The following FYB1 variants were observed in gnomAD, a reference collection of about 807,000 sequenced individuals.
The protein encoded by FYB1 is FYN-binding protein 1.
Under a neutral mutation model 94.1 loss-of-function variants are expected in FYB1, and 41 were observed. The observed-to-expected ratio is 0.44, with a 90% CI of 0.34 to 0.57. The LOEUF (loss-of-function observed/expected upper bound fraction) is 0.57. FYB1 is among the 20% of genes least tolerant of loss of function. The pLI, the probability that FYB1 is intolerant of heterozygous loss-of-function variation, is 0.02. For synonymous variants in FYB1, 367 were observed against 353.2 expected (o/e 1.04, Z -0.44); for missense variants, 1,050 against 976.8 (o/e 1.07, Z -1.00).
At chr5:39,157,030 G>A (rs1339763219) in intron 2 of FYB1, among the ~76,000 whole-genome samples, 2 of 152,078 alleles carry the variant, frequency 1.3e-5, no homozygotes, top group Non-Finnish European at 2.9e-5. Context: ...TTCTACATAT[G>A]TAATCTTATT....
intron 3 of FYB1, among the ~76,000 whole-genome samples, chr5:39,147,265 ACTTTT>A (rs940774177): frequency 2.0e-5 from 3 of 151,692 alleles, no homozygotes; most frequent in East Asian, 1.9e-4. Flanking sequence ...TGACCTCTAT[ACTTTT>A]CTTTTCTTTT....
At chr5:39,126,366 C>T (rs374877960) in intron 11 of FYB1, among the ~76,000 whole-genome samples, 96 of 152,084 alleles carry the variant, frequency 6.3e-4, no homozygotes, top group African/African-American at 2.2e-3. Flanking sequence ...TGAGAATTCT[C>T]CCACTTCTTA....
At chr5:39,187,852 A>G (rs1440619358) in intron 2 of FYB1, among the ~76,000 whole-genome samples, 1 of 149,472 alleles carries the variant, frequency 6.7e-6, no homozygotes, top group African/African-American at 2.5e-5. Flanking sequence ...TTTTTTTTAT[A>G]TTTAATGAAT....
chr5:39,110,861 T>A (rs956399523), intron 16 of FYB1: 1 of 307,184 alleles, frequency 3.3e-6, no homozygotes. Flanking sequence ...CCCTTTCAGA[T>A]CCCAGCCAGC....
At chr5:39,136,979 CCT>C (rs941722276) in intron 7 of FYB1, among the ~76,000 whole-genome samples, 2 of 152,040 alleles carry the variant, frequency 1.3e-5, no homozygotes, top group Admixed American at 6.6e-5. Flanking sequence ...GAAAATAGCC[CCT>C]GAGTGTAGCG....
At chr5:39,158,058 G>A (rs979332161) in intron 2 of FYB1, among the ~76,000 whole-genome samples, 4 of 152,176 alleles carry the variant, frequency 2.6e-5, no homozygotes, top group Admixed American at 1.3e-4. Context: ...AGGAAAATTG[G>A]TTGTATTTAT....
rs74849291 is a variant in FYB1, at chr5:39,190,792, G to GTGTGTGTGT, written c.1135+11033_1135+11034insACACACACA. On this transcript the variant is annotated intron_variant, in intron 2 of 18. Coordinates refer to ENST00000512982, the MANE Select transcript of FYB1 (RefSeq NM_001465.6). ...TTTGTGTGTGTGTGTGTGTGTGTGT[G>GTGTGTGTGT]AGAGAGAGATGTTGGCTTTGTTACA... Among the ~76,000 whole-genome samples the GTGTGTGTGT allele has an allele frequency of 1.3e-4, 20 of 150,630 alleles. No homozygotes were observed. The East Asian group carries it at 2.5e-3, about 19-fold the overall frequency.
At chr5:39,247,608 A>G (rs940618493) in intron 1 of FYB1, among the ~76,000 whole-genome samples, 1 of 152,186 alleles carries the variant, frequency 6.6e-6, no homozygotes, top group Non-Finnish European at 1.5e-5. Context: ...TGCAACTTCT[A>G]GAAAATATTA....
chr5:39,137,899 G>T, intron 6 of FYB1, 179 bp from the exon 7 acceptor site: 1 of 707,194 alleles, frequency 1.4e-6, no homozygotes, highest in Non-Finnish European at 2.3e-6. Flanking sequence ...CCAGTAGGAG[G>T]CACACTGCTG....
At chr5:39,113,532 GCTT>G (rs1739259360) in intron 16 of FYB1, among the ~76,000 whole-genome samples, 1 of 152,112 alleles carries the variant, frequency 6.6e-6, no homozygotes, top group African/African-American at 2.4e-5. Flanking sequence ...CCAAATGTTT[GCTT>G]GCTACAGTGC....
chr5:39,236,335 G>A (rs1394744772), intron 1 of FYB1, among the ~76,000 whole-genome samples: 1 of 152,058 alleles, frequency 6.6e-6, no homozygotes, highest in Non-Finnish European at 1.5e-5. Context: ...AAGGCATTGA[G>A]GTTTTTGATA....
chr5:39,249,706 C>T (rs1751634667), intron 1 of FYB1, among the ~76,000 whole-genome samples: 1 of 152,036 alleles, frequency 6.6e-6, no homozygotes, highest in Non-Finnish European at 1.5e-5. Context: ...GGTGTCAGTG[C>T]ACTGGTGGAA....
In FYB1 at chr5:39,180,429, G is replaced by A. The variant is rs1347036785; in HGVS notation, c.1135+21397C>T. Among the ~76,000 whole-genome samples the A allele has an allele frequency of 3.9e-5, 6 of 152,222 alleles. No individual in the cohort carries two copies. The South Asian group carries it at 1.0e-3, about 26-fold the overall frequency. On this transcript the variant is annotated intron_variant, in intron 2 of 18. Transcript: ENST00000512982. ...TTCCTCCCATCCTTATGTGTTAGGA[G>A]GAGATCCTTTGTAACAGCATATGTG...
chr5:39,150,331 C>A (rs1387569067), intron 3 of FYB1, among the ~76,000 whole-genome samples: 1 of 152,164 alleles, frequency 6.6e-6, no homozygotes, highest in Non-Finnish European at 1.5e-5. Flanking sequence ...TTAACCAACC[C>A]ATTATCTTTC....
Position 39,122,383 on chromosome 5 carries a change from G to A in FYB1, c.2091C>T (p.Tyr697=), listed in dbSNP as rs200445786. 65 of 1,577,594 alleles carry A rather than the reference G, an allele frequency of 4.1e-5. No individual in the cohort carries two copies. The highest frequency in any genetic ancestry group is 1.7e-4 in the Middle Eastern group (1 of 5,838). The change falls in exon 14 of 19, where the codon TAC becomes TAT. Residue 697 remains tyrosine, a synonymous_variant. Transcript: ENST00000512982. ...PKQLDMGDEV[Y]DDVDTSDFPV... ...GGAAATCAGAGGTATCCACATCATCGTAAACTTCATCTCCCATGTCTAACA... is the reference window on the plus strand; with the variant it reads ...GGAAATCAGAGGTATCCACATCATCATAAACTTCATCTCCCATGTCTAACA...
chr5:39,237,394 T>A (rs901575074), intron 1 of FYB1, among the ~76,000 whole-genome samples: 8 of 151,978 alleles, frequency 5.3e-5, no homozygotes, highest in African/African-American at 1.9e-4. Flanking sequence ...TCGCAGTCTG[T>A]GGGTCCAGGT....
intron 1 of FYB1, among the ~76,000 whole-genome samples, chr5:39,252,748 T>G (rs189805633): frequency 4.6e-5 from 7 of 152,304 alleles, no homozygotes; most frequent in African/African-American, 1.7e-4. Context: ...AGTGGAATAG[T>G]TTAGACATAG....
At chr5:39,122,196 A>G (rs1740183992) in intron 14 of FYB1, 140 bp downstream of exon 14, 1 of 597,862 alleles carries the variant, frequency 1.7e-6, no homozygotes, top group Non-Finnish European at 3.0e-6. Context: ...GATTGGAAGG[A>G]AGCATAGCTT....
chr5:39,249,585 T>C (rs1416760315), intron 1 of FYB1, among the ~76,000 whole-genome samples: 1 of 90,938 alleles, frequency 1.1e-5, no homozygotes, highest in Admixed American at 1.2e-4. Context: ...ACTTAAGGGG[T>C]GAGAGATGCA....
Sources: gnomAD v4.1 joint callset for allele counts (sites outside exome capture counted in the v4.1 genomes callset) on GRCh38, gnomAD v4.1.1 for gene constraint, MANE v1.5 for transcripts, NCBI Gene and HGNC (gene_info 2026-07-23, HGNC 2026-07-21) for gene names.